Variants in EBF1 observed in about 807,000 individuals in gnomAD.
The protein encoded by EBF1 is transcription factor COE1.
A neutral mutation model predicts 68.4 loss-of-function variants in EBF1; 10 were observed. That is an observed-to-expected ratio of 0.15 (90% CI 0.09 to 0.25). EBF1 has a LOEUF of 0.25. EBF1 is among the 10% of genes least tolerant of loss of function. The pLI is 1.00. For synonymous variants in EBF1, 298 were observed against 299.8 expected (o/e 0.99, Z 0.06); for missense variants, 509 against 794.4 (o/e 0.64, Z 4.32).
chr5:158,821,120 A>T (rs1361700500), intron 8 of EBF1, among the ~76,000 whole-genome samples: 2 of 151,898 alleles, frequency 1.3e-5, no homozygotes, highest in African/African-American at 4.8e-5. Flanking sequence ...CCCTATCTAC[A>T]TTACCTGCCC....
intron 6 of EBF1, among the ~76,000 whole-genome samples, chr5:158,962,816 A>G (rs1411486237): frequency 1.3e-5 from 2 of 152,122 alleles, no homozygotes; most frequent in East Asian, 1.9e-4. Context: ...TTCTTTAAGG[A>G]TGGGGTTTTA....
At chr5:158,874,764 T>C (rs770770256) in intron 6 of EBF1, among the ~76,000 whole-genome samples, 52 of 151,868 alleles carry the variant, frequency 3.4e-4, no homozygotes, top group Non-Finnish European at 6.3e-4. Context: ...ACAAAAATGA[T>C]ATATTAAAGG....
At chr5:158,822,833 A>T (rs1335257775) in intron 8 of EBF1, among the ~76,000 whole-genome samples, 1 of 152,084 alleles carries the variant, frequency 6.6e-6, no homozygotes, top group Non-Finnish European at 1.5e-5. Flanking sequence ...GCCTTTCCTT[A>T]TTTTTCCCTT....
intron 8 of EBF1, among the ~76,000 whole-genome samples, chr5:158,802,907 T>C (rs1275756573): frequency 6.6e-6 from 1 of 152,154 alleles, no homozygotes; most frequent in Non-Finnish European, 1.5e-5. Flanking sequence ...GAATACCCTA[T>C]ACTCTCATCA....
intron 6 of EBF1, among the ~76,000 whole-genome samples, chr5:159,057,616 C>A (rs1257173000): frequency 1.3e-5 from 2 of 152,160 alleles, no homozygotes; most frequent in Non-Finnish European, 2.9e-5. Context: ...GCCACTGGAA[C>A]CAGAGCCAGG....
intron 11 of EBF1, among the ~76,000 whole-genome samples, chr5:158,715,099 A>C (rs1024410894): frequency 6.6e-6 from 1 of 152,248 alleles, no homozygotes; most frequent in African/African-American, 2.4e-5. Context: ...ATGTGAAAAG[A>C]AAAGCAAAGT....
At chr5:158,758,056 T>C (rs1770527486) in intron 10 of EBF1, among the ~76,000 whole-genome samples, 1 of 152,230 alleles carries the variant, frequency 6.6e-6, no homozygotes. Context: ...CCTTTTATCA[T>C]GTGCCAAGTA....
intron 14 of EBF1, among the ~76,000 whole-genome samples, chr5:158,710,688 A>C (rs1759022398): frequency 6.6e-6 from 1 of 152,212 alleles, no homozygotes; most frequent in Non-Finnish European, 1.5e-5. Context: ...CTGTAAGTAC[A>C]TTTTCAGAAA....
At chr5:158,877,660 C>A (rs1442285293) in intron 6 of EBF1, among the ~76,000 whole-genome samples, 1 of 151,880 alleles carries the variant, frequency 6.6e-6, no homozygotes, top group African/African-American at 2.4e-5. Context: ...TTTTAGTGAC[C>A]CTGAGTTATG....
At chr5:159,027,775 G>T (rs1358449982) in intron 6 of EBF1, among the ~76,000 whole-genome samples, 2 of 152,148 alleles carry the variant, frequency 1.3e-5, no homozygotes, top group Non-Finnish European at 2.9e-5. Flanking sequence ...TACCCCTCTA[G>T]CCGGAATTTT....
intron 10 of EBF1, among the ~76,000 whole-genome samples, chr5:158,762,512 A>G (rs1483012139): frequency 6.6e-6 from 1 of 152,152 alleles, no homozygotes; most frequent in African/African-American, 2.4e-5. Context: ...AATCCCTTAT[A>G]TAATACAATC....
At chr5:158,853,325 C>T (rs1793344773) in intron 6 of EBF1, among the ~76,000 whole-genome samples, 1 of 152,200 alleles carries the variant, frequency 6.6e-6, no homozygotes, top group Non-Finnish European at 1.5e-5. Flanking sequence ...GCTTTAGAGA[C>T]TGGCATGTGA....
chr5:158,768,291 T>TA (rs1356548503), intron 10 of EBF1, among the ~76,000 whole-genome samples: 5 of 152,154 alleles, frequency 3.3e-5, no homozygotes, highest in African/African-American at 9.7e-5. Context: ...AAGGTTCTGC[T>TA]AGGGCATAAG....
rs1805688891 is a variant in EBF1, at chr5:158,910,346, C to A, written c.555-70236G>T. On this transcript the variant is annotated intron_variant, in intron 6 of 15. Transcript: ENST00000313708. Reference sequence around the variant, plus strand: ...AAAGCATAACTTTCTGTTAATATTTCCCTTAGAGAAAGGCACATTCAATTT... The same window carrying A: ...AAAGCATAACTTTCTGTTAATATTTACCTTAGAGAAAGGCACATTCAATTT... Among the ~76,000 whole-genome samples, 3 of 152,222 alleles carry A rather than the reference C, an allele frequency of 2.0e-5. No individual in the cohort carries two copies. In the South Asian group the frequency reaches 6.2e-4, roughly 32 times the overall value.
chr5:158,697,027 G>T lies in EBF1; in HGVS notation c.*2084C>A, dbSNP rs1307864882. On this transcript the variant is annotated 3_prime_UTR_variant, in exon 16 of 16. Coordinates refer to ENST00000313708, the MANE Select transcript of EBF1 (RefSeq NM_024007.5). The stretch of plus-strand genomic sequence containing the variant: ...GCATTGTTAAGGCATCCAATCTGCT[G>T]GTTTATATTTATGTGAAAGACAGAG... The T allele has an allele frequency of 5.3e-6, 1 of 188,864 alleles. No homozygotes were observed. The highest frequency in any genetic ancestry group is 1.1e-5 in the Non-Finnish European group (1 of 90,192). 11.7% of individuals were successfully genotyped at this position (188,864 alleles called of 1,614,324 possible). A position where few individuals can be genotyped will look rare whatever the true frequency, so the allele number is the denominator to read the frequency against.
chr5:158,788,465 T>C (rs139886805), intron 9 of EBF1, among the ~76,000 whole-genome samples: 63 of 152,242 alleles, frequency 4.1e-4, no homozygotes, highest in Middle Eastern at 3.4e-3. Flanking sequence ...AAATGAATGT[T>C]GGTTGAGGAT....
At chr5:158,988,702 C>T (rs527722371) in intron 6 of EBF1, among the ~76,000 whole-genome samples, 1 of 152,274 alleles carries the variant, frequency 6.6e-6, no homozygotes, top group East Asian at 1.9e-4. Flanking sequence ...GCTTCCCGAA[C>T]TTATCAATAA....
chr5:159,009,462 T>C (rs778805348), intron 6 of EBF1, among the ~76,000 whole-genome samples: 1 of 152,214 alleles, frequency 6.6e-6, no homozygotes, highest in Non-Finnish European at 1.5e-5. Flanking sequence ...TTCTTTACTA[T>C]GCCAGCCCTG....
intron 6 of EBF1, among the ~76,000 whole-genome samples, chr5:158,874,121 A>G (rs1161967616): frequency 1.3e-5 from 2 of 152,220 alleles, no homozygotes; most frequent in African/African-American, 4.8e-5. Context: ...AGAAAACTAG[A>G]ATATATCAGC....
Sources: gnomAD v4.1 joint callset for allele counts (sites outside exome capture counted in the v4.1 genomes callset) on GRCh38, gnomAD v4.1.1 for gene constraint, MANE v1.5 for transcripts, NCBI Gene and HGNC (gene_info 2026-07-23, HGNC 2026-07-21) for gene names.